PDPR: variants seen among roughly 807,000 people sequenced by gnomAD.
PDPR encodes pyruvate dehydrogenase phosphatase regulatory subunit, mitochondrial.
Under a neutral mutation model 102.2 loss-of-function variants are expected in PDPR, and 50 were observed. The ratio of observed to expected loss-of-function variants is 0.49; its 90% CI spans 0.39 to 0.62. PDPR has a LOEUF of 0.62. PDPR is among the 20% of genes least tolerant of loss of function. The probability of loss-of-function intolerance (pLI) is 0.00; values close to 1 mark genes in which losing one functional copy is unlikely to be tolerated. For synonymous variants in PDPR, 259 were observed against 406.0 expected (o/e 0.64, Z 4.35); for missense variants, 625 against 1,098.2 (o/e 0.57, Z 6.09).
At chr16:70,122,185 C>T (rs543248883) in intron 3 of PDPR, among the ~76,000 whole-genome samples, 2 of 152,242 alleles carry the variant, frequency 1.3e-5, no homozygotes, top group Non-Finnish European at 2.9e-5. Flanking sequence ...CAGGATTTCA[C>T]CGTGTTAGCC....
rs773452131 is a variant in PDPR, at chr16:70,120,609, G to T, written c.117G>T (p.Leu39=). The change falls in exon 3 of 19, where the codon CTG becomes CTT. Residue 39 remains leucine (L), a synonymous_variant. Transcript: ENST00000288050. ...CTGCCGAGGCGCGTTCCATGGCCCTGCCCACCCAGGCACAGGTGGTCATCT... is the reference window on the plus strand; with the variant it reads ...CTGCCGAGGCGCGTTCCATGGCCCTTCCCACCCAGGCACAGGTGGTCATCT... ...TSAAEARSMA[L]PTQAQVVICG... is the part of the protein sequence containing the mutation. 34 of 1,613,792 alleles carry T rather than the reference G, an allele frequency of 2.1e-5. No homozygotes were observed. The highest frequency in any genetic ancestry group is 5.1e-6 in the Non-Finnish European group (6 of 1,179,806).
chr16:70,117,954 G>T (rs151259706), intron 2 of PDPR, among the ~76,000 whole-genome samples: 1 of 151,926 alleles, frequency 6.6e-6, no homozygotes, highest in Non-Finnish European at 1.5e-5. Flanking sequence ...GTAACTGGGC[G>T]TGGTGGCGCG....
chr16:70,143,774 CAT>C (rs1965976534), intron 14 of PDPR, 116 bp downstream of exon 14: 1 of 1,315,526 alleles, frequency 7.6e-7, no homozygotes, highest in African/African-American at 1.5e-5. Context: ...GTCTAAGAAT[CAT>C]TACATGAAAT....
chr16:70,162,604 A>G (rs1431948932), downstream of PDPR: 2 of 152,592 alleles, frequency 1.3e-5, no homozygotes, highest in African/African-American at 4.8e-5. Context: ...AAGCATAAAC[A>G]GCGTGCAGAG....
chr16:70,143,187 C>CAA (rs375737516), intron 13 of PDPR, among the ~76,000 whole-genome samples: 8 of 143,146 alleles, frequency 5.6e-5, no homozygotes, highest in East Asian at 2.1e-4. Context: ...GACTCCATCT[C>CAA]AAAAAAAAAA....
chr16:70,120,507 G>A lies in PDPR; in HGVS notation c.15G>A (p.Arg5=). MMFY[R]LLSIVGRQRA... Reference sequence around the variant, plus strand: ...TGGTGAGAGACATGATGTTCTACCGGTTGCTGTCGATTGTTGGAAGACAAA... The same window carrying A: ...TGGTGAGAGACATGATGTTCTACCGATTGCTGTCGATTGTTGGAAGACAAA... Residue 5 remains arginine (R), a synonymous_variant, in exon 3 of 19, where the codon CGG becomes CGA. Transcript: ENST00000288050. 1 of 1,613,922 alleles carries A rather than the reference G, an allele frequency of 6.2e-7. No homozygotes were observed. The highest frequency in any genetic ancestry group is 1.1e-5 in the South Asian group (1 of 91,078).
At chr16:70,126,283 C>G (rs1365462193) in intron 3 of PDPR, among the ~76,000 whole-genome samples, 1 of 152,282 alleles carries the variant, frequency 6.6e-6, no homozygotes, top group African/African-American at 2.4e-5. Flanking sequence ...ACAATGCTAG[C>G]TCACTGCAGC....
intron 3 of PDPR, among the ~76,000 whole-genome samples, chr16:70,125,873 A>C (rs1230435969): frequency 6.6e-6 from 1 of 152,234 alleles, no homozygotes; most frequent in East Asian, 1.9e-4. Context: ...ACCTCAAGTG[A>C]TCTGCCTGCC....
At chr16:70,136,745 A>G (rs1965180247) in intron 10 of PDPR, among the ~76,000 whole-genome samples, 1 of 152,154 alleles carries the variant, frequency 6.6e-6, no homozygotes, top group African/African-American at 2.4e-5. Context: ...TAGGTAATAC[A>G]CGGTTTGTTT....
Position 70,130,635 on chromosome 16 carries a change from T to C in PDPR, c.729+91T>C. 1.3e-6 allele frequency: 2 copies of C among 1,506,778 alleles called. 1 individual carries two copies. The highest frequency in any genetic ancestry group is 2.4e-5 in the South Asian group (2 of 84,554). The allele number at this position is 1,506,778 out of a possible 1,614,324, so 93.3% of individuals were successfully genotyped here. ...AAGTAAGATTAGTATTGTGATTGGTTATACAGATATCAGTAACTACGCTGT... is the reference window on the plus strand; with the variant it reads ...AAGTAAGATTAGTATTGTGATTGGTCATACAGATATCAGTAACTACGCTGT... On this transcript the variant is annotated intron_variant, in intron 7 of 18. Coordinates refer to ENST00000288050, the MANE Select transcript of PDPR (RefSeq NM_017990.5).
rs1190733409 is a variant in PDPR, at chr16:70,157,512, A to G, written c.*633A>G. ...AAGCAGTTAACCTAGCACCATCCTC[A>G]TCCTCCCTGCAGAAGCCATTAGCAG... is the stretch of plus-strand genomic sequence containing the variant. On this transcript the variant is annotated 3_prime_UTR_variant, in exon 19 of 19. Coordinates refer to ENST00000288050, the MANE Select transcript of PDPR (RefSeq NM_017990.5). 7.7e-6 allele frequency: 2 copies of G among 258,808 alleles called. No homozygotes were observed. The highest frequency in any genetic ancestry group is 2.0e-4 in the East Asian group (2 of 9,858). The allele number at this position is 258,808 out of a possible 1,614,324, so 16.0% of individuals were successfully genotyped here.
intron 17 of PDPR, among the ~76,000 whole-genome samples, chr16:70,153,065 T>C (rs1337030184): frequency 2.0e-5 from 3 of 152,274 alleles, no homozygotes; most frequent in Non-Finnish European, 4.4e-5. Flanking sequence ...GAAATGATGA[T>C]GAGATTGGCC....
At chr16:70,144,623 G>A in intron 15 of PDPR, 90 bp downstream of exon 15, 1 of 521,478 alleles carries the variant, frequency 1.9e-6, no homozygotes, top group Admixed American at 3.4e-5. Context: ...TCTCAAAAAT[G>A]AACATTAGAG....
At chr16:70,121,751 A>C (rs919482008) in intron 3 of PDPR, among the ~76,000 whole-genome samples, 5 of 151,080 alleles carry the variant, frequency 3.3e-5, no homozygotes, top group Admixed American at 3.3e-4. Flanking sequence ...TGTTTAGCTA[A>C]TGTTTTCTTA....
At chr16:70,150,614 C>T (rs1412957792) in intron 17 of PDPR, among the ~76,000 whole-genome samples, 2 of 149,340 alleles carry the variant, frequency 1.3e-5, no homozygotes, top group African/African-American at 2.5e-5. Flanking sequence ...CTGAAGTGAT[C>T]CCCCTGCCTC....
rs1454822211 is a variant in PDPR at position 70,157,444 on chromosome 16, A to G, written c.*565A>G. 2.9e-6 allele frequency: 1 copy of G among 349,498 alleles called. No individual in the cohort carries two copies. The highest frequency in any genetic ancestry group is 5.6e-6 in the Non-Finnish European group (1 of 178,380). The allele number at this position is 349,498 out of a possible 1,614,324, so 21.6% of individuals were successfully genotyped here. On this transcript the variant is annotated 3_prime_UTR_variant, in exon 19 of 19. Transcript: ENST00000288050. ...AAGAGGATGATTATCTACCTCACTGATAAGAGGCATCGCATGGACGTTCTC... is the reference window on the plus strand; with the variant it reads ...AAGAGGATGATTATCTACCTCACTGGTAAGAGGCATCGCATGGACGTTCTC...
chr16:70,115,751 A>G (rs1459988255), intron 2 of PDPR, among the ~76,000 whole-genome samples: 1 of 152,186 alleles, frequency 6.6e-6, no homozygotes, highest in Admixed American at 6.5e-5. Context: ...GTTGTTTAGC[A>G]GAAGTTATTC....
intron 17 of PDPR, among the ~76,000 whole-genome samples, chr16:70,152,343 A>G (rs1473894865): frequency 6.6e-6 from 1 of 152,260 alleles, no homozygotes; most frequent in Non-Finnish European, 1.5e-5. Flanking sequence ...ACATGGCGAA[A>G]CCTCGTCTCT....
At chr16:70,151,155 C>CA (rs1349187156) in intron 17 of PDPR, among the ~76,000 whole-genome samples, 2 of 152,356 alleles carry the variant, frequency 1.3e-5, no homozygotes, top group East Asian at 3.9e-4. Flanking sequence ...AGGATGGTCT[C>CA]AATCGCCTGA....
Sources: allele counts gnomAD v4.1 joint callset (sites outside exome capture counted in the v4.1 genomes callset), GRCh38; gene constraint gnomAD v4.1.1; transcripts MANE v1.5; gene names NCBI Gene and HGNC (gene_info 2026-07-23, HGNC 2026-07-21).